ARMH3: variants seen among roughly 807,000 people sequenced by gnomAD.
ARMH3 encodes the protein armadillo like helical domain containing 3.
A neutral mutation model predicts 99.1 loss-of-function variants in ARMH3; 60 were observed. The ratio of observed to expected loss-of-function variants is 0.61; its 90% CI spans 0.49 to 0.75. The LOEUF is 0.75. ARMH3 is among the 30% of genes least tolerant of loss of function. The pLI is 0.00. For synonymous variants in ARMH3, 285 were observed against 292.8 expected (o/e 0.97, Z 0.27); for missense variants, 679 against 843.1 (o/e 0.81, Z 2.41).
chr10:101,960,657 G>A (rs1383223127), intron 20 of ARMH3, among the ~76,000 whole-genome samples: 1 of 152,056 alleles, frequency 6.6e-6, no homozygotes, highest in African/African-American at 2.4e-5. Flanking sequence ...TTGGGAGGCT[G>A]AGGCAGGCTG....
chr10:102,017,151 T>C (rs2066767735), intron 8 of ARMH3, among the ~76,000 whole-genome samples: 1 of 152,240 alleles, frequency 6.6e-6, no homozygotes. Flanking sequence ...CACTGCCTCA[T>C]GCTAGTTTGC....
intron 11 of ARMH3, among the ~76,000 whole-genome samples, chr10:102,011,360 C>T (rs927540128): frequency 7.2e-5 from 11 of 152,102 alleles, no homozygotes; most frequent in African/African-American, 1.7e-4. Flanking sequence ...AGTGCCTAAA[C>T]GGAGCCAACT....
intron 23 of ARMH3, among the ~76,000 whole-genome samples, chr10:101,936,913 G>A (rs1290013325): frequency 6.6e-6 from 1 of 152,148 alleles, no homozygotes; most frequent in Non-Finnish European, 1.5e-5. Flanking sequence ...AGTTCACTAG[G>A]AGCTTTCATA....
intron 8 of ARMH3, among the ~76,000 whole-genome samples, chr10:102,016,884 T>G (rs1432699017): frequency 1.3e-5 from 2 of 152,200 alleles, no homozygotes; most frequent in Non-Finnish European, 2.9e-5. Flanking sequence ...AGACCTTTTT[T>G]GGGGGCTCTT....
At chr10:101,993,717 G>C (rs1846918208) in intron 16 of ARMH3, 114 bp from the exon 17 acceptor site, 5 of 674,556 alleles carry the variant, frequency 7.4e-6, no homozygotes, top group South Asian at 4.3e-5. Flanking sequence ...GGATCAGCTG[G>C]ACAGCTAATA....
At chr10:101,999,746 A>G (rs2066305977) in intron 15 of ARMH3, among the ~76,000 whole-genome samples, 1 of 152,130 alleles carries the variant, frequency 6.6e-6, no homozygotes, top group African/African-American at 2.4e-5. Context: ...ATGTTAAAAT[A>G]TTTATGTGTA....
At chr10:101,864,154 A>T (rs2066943678) in intron 24 of ARMH3, among the ~76,000 whole-genome samples, 1 of 151,986 alleles carries the variant, frequency 6.6e-6, no homozygotes, top group Admixed American at 6.6e-5. Context: ...AATGCTCATC[A>T]TCAGTGGCCA....
At position 102,011,889 on chromosome 10, in the gene ARMH3, C is replaced by G. The variant is rs1050705215; in HGVS notation, c.771-106G>C. 7.5e-6 allele frequency: 6 copies of G among 800,202 alleles called. No homozygotes were observed. Among genetic ancestry groups the G allele is most frequent in the Non-Finnish European group, 9.9e-6 (5 of 504,338 alleles). The allele number at this position is 800,202 out of a possible 1,614,324, so 49.6% of individuals were successfully genotyped here. A position where few individuals can be genotyped will look rare whatever the true frequency, so the allele number is the denominator to read the frequency against. On this transcript the variant is annotated intron_variant, in intron 10 of 25. Coordinates refer to ENST00000370033, the MANE Select transcript of ARMH3 (RefSeq NM_024541.3). ...AGAGCACTCTTAAAATTCTCTGACTCCAGAAAACTAAAGCATTATGACAAT... is the reference window on the plus strand; with the variant it reads ...AGAGCACTCTTAAAATTCTCTGACTGCAGAAAACTAAAGCATTATGACAAT...
chr10:102,015,068 T>C (rs2066716354), intron 8 of ARMH3, among the ~76,000 whole-genome samples: 1 of 152,196 alleles, frequency 6.6e-6, no homozygotes, highest in Admixed American at 6.5e-5. Flanking sequence ...AAGAGACAGC[T>C]TTGCTTTCTT....
intron 19 of ARMH3, among the ~76,000 whole-genome samples, chr10:101,978,499 A>G (rs1325371329): frequency 6.6e-6 from 1 of 152,248 alleles, no homozygotes; most frequent in East Asian, 1.9e-4. Flanking sequence ...GGTGTATACA[A>G]AAGAAAAACA....
intron 1 of ARMH3, among the ~76,000 whole-genome samples, chr10:102,052,644 G>A (rs751474642): frequency 5.0e-4 from 76 of 152,134 alleles, no homozygotes; most frequent in Non-Finnish European, 1.0e-3. Context: ...GTGTAAGACA[G>A]AAAGGGACCA....
intron 20 of ARMH3, among the ~76,000 whole-genome samples, chr10:101,969,427 A>T (rs1263484781): frequency 6.6e-6 from 1 of 152,254 alleles, no homozygotes; most frequent in East Asian, 1.9e-4. Flanking sequence ...AGATAAATCT[A>T]TGGCTTGAGT....
chr10:102,015,705 T>C (rs983980286), intron 8 of ARMH3, among the ~76,000 whole-genome samples: 1 of 152,176 alleles, frequency 6.6e-6, no homozygotes, highest in Non-Finnish European at 1.5e-5. Flanking sequence ...TAGGTTTTAA[T>C]TGGGGTCATC....
chr10:101,917,583 C>T (rs1026926846), intron 23 of ARMH3, among the ~76,000 whole-genome samples: 1 of 152,184 alleles, frequency 6.6e-6, no homozygotes. Flanking sequence ...GTTTTTATTT[C>T]ACTTGGGTAA....
At chr10:101,916,893 C>T (rs931047303) in intron 23 of ARMH3, among the ~76,000 whole-genome samples, 8 of 152,176 alleles carry the variant, frequency 5.3e-5, no homozygotes, top group African/African-American at 1.9e-4. Flanking sequence ...CCTTAGACAT[C>T]AGACATCAGG....
chr10:101,997,366 G>A (rs1437400674), intron 15 of ARMH3, among the ~76,000 whole-genome samples: 2 of 151,366 alleles, frequency 1.3e-5, no homozygotes, highest in Non-Finnish European at 2.9e-5. Context: ...GGCCGAGGCG[G>A]GTGGATCACA....
intron 6 of ARMH3, 67 bp downstream of exon 6, chr10:102,025,089 G>C: frequency 7.7e-7 from 1 of 1,292,530 alleles, no homozygotes; most frequent in Non-Finnish European, 1.1e-6. Context: ...CTATCTTTGG[G>C]CTCAAGTATT....
chr10:102,017,723 T>A (rs886861126), intron 8 of ARMH3, among the ~76,000 whole-genome samples: 6 of 152,164 alleles, frequency 3.9e-5, no homozygotes, highest in African/African-American at 9.7e-5. Context: ...AAAATAGGTG[T>A]TGGGAATAAA....
chr10:102,018,813 T>C (rs1173555700), intron 8 of ARMH3, among the ~76,000 whole-genome samples: 1 of 151,982 alleles, frequency 6.6e-6, no homozygotes, highest in Non-Finnish European at 1.5e-5. Context: ...AAAAATTAGC[T>C]GGGCATGGTG....
Sources: allele counts gnomAD v4.1 joint callset (sites outside exome capture counted in the v4.1 genomes callset), GRCh38; gene constraint gnomAD v4.1.1; transcripts MANE v1.5; gene names NCBI Gene and HGNC (gene_info 2026-07-23, HGNC 2026-07-21).